The following UBE3C variants were observed in gnomAD, a reference collection of about 807,000 sequenced individuals.
UBE3C encodes ubiquitin protein ligase E3C, also known as ubiquitin-protein ligase E3C.
A neutral mutation model predicts 129.4 loss-of-function variants in UBE3C; 42 were observed. The ratio of observed to expected loss-of-function variants is 0.32; its 90% CI spans 0.25 to 0.42. UBE3C has a LOEUF of 0.42. Ranked by LOEUF, UBE3C falls within the 10% of genes least tolerant of loss-of-function variation. The pLI is 1.00. For missense variants in UBE3C, 1,049 were observed against 1,319.1 expected (o/e 0.80, Z 3.17); for synonymous variants, 510 against 492.4 (o/e 1.04, Z -0.47).
intron 11 of UBE3C, among the ~76,000 whole-genome samples, chr7:157,204,942 C>T (rs1035742882): frequency 2.0e-5 from 3 of 152,162 alleles, no homozygotes; most frequent in Admixed American, 1.3e-4. Context: ...CCCACAGGCA[C>T]GCAATTTGAA....
At chr7:157,191,407 C>T (rs1374432208) in intron 10 of UBE3C, among the ~76,000 whole-genome samples, 1 of 152,226 alleles carries the variant, frequency 6.6e-6, no homozygotes, top group Non-Finnish European at 1.5e-5. Context: ...CCTCCTACCT[C>T]AGCACCCTTG....
chr7:157,201,933 G>A (rs1321272148), intron 11 of UBE3C, 126 bp downstream of exon 11: 1 of 720,844 alleles, frequency 1.4e-6, no homozygotes, highest in African/African-American at 1.8e-5. Context: ...TAGAAGGTAA[G>A]TTCCAGATGG....
chr7:157,192,125 AG>A (rs1808985404), intron 10 of UBE3C, among the ~76,000 whole-genome samples: 1 of 152,228 alleles, frequency 6.6e-6, no homozygotes, highest in Non-Finnish European at 1.5e-5. Context: ...TAAATAAAAT[AG>A]ACTTGCCTTC....
intron 19 of UBE3C, among the ~76,000 whole-genome samples, chr7:157,253,294 G>T (rs368247491): frequency 2.0e-4 from 30 of 152,166 alleles, no homozygotes; most frequent in African/African-American, 7.2e-4. Context: ...CTGTGTTTCC[G>T]CTGTGTTGCT....
chr7:157,223,166 A>G lies in UBE3C; in HGVS notation c.2003-88A>G, dbSNP rs528968211. 6.6e-6 allele frequency: 9 copies of G among 1,362,722 alleles called. No individual in the cohort carries two copies. In the East Asian group the frequency reaches 2.1e-4, roughly 31 times the overall value. The allele number at this position is 1,362,722 out of a possible 1,614,324, so 84.4% of individuals were successfully genotyped here. ...TTAGATAAATGAGTTAATCAGGATGATTTCAAGAATCTTCACCTTAAGAAT... is the reference window on the plus strand; with the variant it reads ...TTAGATAAATGAGTTAATCAGGATGGTTTCAAGAATCTTCACCTTAAGAAT... On this transcript the variant is annotated intron_variant, in intron 15 of 22. Transcript: ENST00000348165.
chr7:157,264,828 T>C (rs1275848708), intron 22 of UBE3C, among the ~76,000 whole-genome samples: 1 of 152,212 alleles, frequency 6.6e-6, no homozygotes, highest in African/African-American at 2.4e-5. Context: ...CGTTGTGGCC[T>C]CCCAAAATGC....
At chr7:157,259,769 TG>T (rs1796849562) in intron 22 of UBE3C, among the ~76,000 whole-genome samples, 1 of 152,086 alleles carries the variant, frequency 6.6e-6, no homozygotes. Flanking sequence ...AAAACCGGAT[TG>T]TGGGGGTCGC....
chr7:157,161,638 G>A (rs1376243371), intron 1 of UBE3C, among the ~76,000 whole-genome samples: 2 of 151,860 alleles, frequency 1.3e-5, no homozygotes, highest in Non-Finnish European at 2.9e-5. Context: ...ATTTTTTGTG[G>A]AGATAGGGTT....
intron 2 of UBE3C, among the ~76,000 whole-genome samples, chr7:157,168,498 A>T (rs569503826): frequency 1.3e-5 from 2 of 152,238 alleles, no homozygotes; most frequent in Non-Finnish European, 2.9e-5. Flanking sequence ...ATGAATGTTC[A>T]TAGCAGCCTT....
intron 17 of UBE3C, among the ~76,000 whole-genome samples, chr7:157,228,243 G>C (rs552513999): frequency 6.6e-6 from 1 of 152,358 alleles, no homozygotes; most frequent in East Asian, 1.9e-4. Flanking sequence ...TGTTCCTGCA[G>C]TTGGTGCTCA....
At chr7:157,183,748 CAGTT>C (rs950075334) in intron 8 of UBE3C, 126 bp from the exon 9 acceptor site, 92 of 1,141,016 alleles carry the variant, frequency 8.1e-5, no homozygotes, top group Non-Finnish European at 9.3e-5. Flanking sequence ...TATTATAACA[CAGTT>C]AGAATTTTAA....
At chr7:157,139,509 C>T (rs947839734) in intron 1 of UBE3C, among the ~76,000 whole-genome samples, 171 bp downstream of exon 1, 7 of 149,640 alleles carry the variant, frequency 4.7e-5, no homozygotes, top group Non-Finnish European at 1.0e-4. Flanking sequence ...GGGGCCGCTC[C>T]GGCCGGGACT....
At position 157,139,128 on chromosome 7, in the gene UBE3C, C is replaced by A; in HGVS notation, c.-145C>A. 2.8e-5 allele frequency: 8 copies of A among 285,766 alleles called. No individual in the cohort carries two copies. The highest frequency in any genetic ancestry group is 4.2e-5 in the Non-Finnish European group (8 of 188,598). The allele number at this position is 285,766 out of a possible 1,614,324, so 17.7% of individuals were successfully genotyped here. ...GGGCTGGGAGGGTACAGCCCGGGGG[C>A]GGGCTCGGGTCGCCTCCCGGCCGCC... On this transcript the variant is annotated 5_prime_UTR_variant, in exon 1 of 23. Coordinates refer to ENST00000348165, the MANE Select transcript of UBE3C (RefSeq NM_014671.3).
At chr7:157,232,547 C>T (rs1490769889) in intron 18 of UBE3C, among the ~76,000 whole-genome samples, 1 of 152,162 alleles carries the variant, frequency 6.6e-6, no homozygotes, top group Non-Finnish European at 1.5e-5. Flanking sequence ...ATGGGGGTTT[C>T]CACCATGTTG....
At chr7:157,166,676 G>T (rs1808222903) in intron 2 of UBE3C, among the ~76,000 whole-genome samples, 1 of 150,206 alleles carries the variant, frequency 6.7e-6, no homozygotes, top group Non-Finnish European at 1.5e-5. Context: ...GGAGGCGGAG[G>T]TTGTGGTGAG....
rs1808687901 is a variant in UBE3C at position 157,182,341 on chromosome 7, A to G, written c.991+13A>G. 1.2e-6 allele frequency: 2 copies of G among 1,612,368 alleles called. No individual in the cohort carries two copies. The highest frequency in any genetic ancestry group is 4.5e-5 in the East Asian group (2 of 44,872). ...GAAAATTATTTGGGTATGAAATACAAGATCTTTTTTACCTGAACACACATA... is the reference window on the plus strand; with the variant it reads ...GAAAATTATTTGGGTATGAAATACAGGATCTTTTTTACCTGAACACACATA... On this transcript the variant is annotated intron_variant, in intron 8 of 22. Coordinates refer to ENST00000348165, the MANE Select transcript of UBE3C (RefSeq NM_014671.3).
At chr7:157,178,880 A>G in intron 6 of UBE3C, 33 bp downstream of exon 6, 1 of 1,607,842 alleles carries the variant, frequency 6.2e-7, no homozygotes, top group Middle Eastern at 1.7e-4. Flanking sequence ...ACTGTGGCTC[A>G]GCATCCTGAT....
At chr7:157,191,779 T>C (rs1305187240) in intron 10 of UBE3C, among the ~76,000 whole-genome samples, 1 of 152,220 alleles carries the variant, frequency 6.6e-6, no homozygotes, top group Non-Finnish European at 1.5e-5. Flanking sequence ...TTGTTTTTCA[T>C]TGTATGTGTA....
chr7:157,199,851 T>TCTC (rs1809231388), intron 10 of UBE3C, among the ~76,000 whole-genome samples: 1 of 152,194 alleles, frequency 6.6e-6, no homozygotes, highest in Non-Finnish European at 1.5e-5. Context: ...TCTTAATTGG[T>TCTC]CTCCTTTAAC....
Sources: allele counts gnomAD v4.1 joint callset (sites outside exome capture counted in the v4.1 genomes callset), GRCh38; gene constraint gnomAD v4.1.1; transcripts MANE v1.5; gene names NCBI Gene and HGNC (gene_info 2026-07-23, HGNC 2026-07-21).